Variants in ECHDC1 observed in about 807,000 individuals in gnomAD.
ECHDC1 encodes ethylmalonyl-CoA decarboxylase 1, also known as ethylmalonyl-CoA decarboxylase.
Under a neutral mutation model 29.7 loss-of-function variants are expected in ECHDC1, and 29 were observed. The observed-to-expected ratio is 0.98, with a 90% CI of 0.73 to 1.33. ECHDC1 has a LOEUF of 1.33. Among genes scored for constraint, ECHDC1 ranks in the 40% most tolerant of loss-of-function variants. The pLI, the probability that ECHDC1 is intolerant of heterozygous loss-of-function variation, is 0.00. For missense variants in ECHDC1, 328 were observed against 350.0 expected (o/e 0.94, Z 0.50); for synonymous variants, 126 against 123.1 (o/e 1.02, Z -0.15).
rs1174684869 is a variant in ECHDC1, at chr6:127,289,973, A to G, written c.802T>C (p.Tyr268His). 1 of 1,613,664 alleles carries G rather than the reference A, an allele frequency of 6.2e-7. No individual in the cohort carries two copies. The highest frequency in any genetic ancestry group is 2.2e-5 in the East Asian group (1 of 44,852). Reference sequence around the variant, plus strand: ...TCGTTCTGTAATGCTTCCTCCAAATATAGCTCTCTGCCTGAACAAACAGAT... The same window carrying G: ...TCGTTCTGTAATGCTTCCTCCAAATGTAGCTCTCTGCCTGAACAAACAGAT... ...KKSVCSGREL[Y>H]LEEALQNERD... The change falls in exon 6 of 6, where the codon TAT becomes CAT. Residue 268 changes from tyrosine to histidine, a missense_variant. Physicochemically the swap from Tyr to His is moderately conservative, Grantham distance 83. Transcript: ENST00000454859.
intron 5 of ECHDC1, among the ~76,000 whole-genome samples, chr6:127,293,777 G>A (rs2114551417): frequency 6.6e-6 from 1 of 152,178 alleles, no homozygotes; most frequent in South Asian, 2.1e-4. Flanking sequence ...TTAAGTTGGT[G>A]GTATTGATAG....
At chr6:127,309,854 G>C (rs1781759064) in intron 5 of ECHDC1, among the ~76,000 whole-genome samples, 1 of 152,156 alleles carries the variant, frequency 6.6e-6, no homozygotes. Flanking sequence ...AAGAGCGAAA[G>C]GAGAAGTGCT....
At chr6:127,336,472 C>G (rs1207967418) in intron 1 of ECHDC1, among the ~76,000 whole-genome samples, 1 of 152,146 alleles carries the variant, frequency 6.6e-6, no homozygotes, top group Non-Finnish European at 1.5e-5. Context: ...ACCTATTTCC[C>G]TGCTTTCCCA....
At position 127,290,107 on chromosome 6, in the gene ECHDC1, A is replaced by G. The variant is rs765709127; in HGVS notation, c.668T>C (p.Val223Ala). The G allele has an allele frequency of 9.3e-6, 15 of 1,613,732 alleles. No individual in the cohort carries two copies. Among genetic ancestry groups the G allele is most frequent in the Non-Finnish European group, 1.3e-5 (15 of 1,179,744 alleles). Residue 223 changes from valine (V) to alanine (A), a missense_variant, in exon 6 of 6, where the codon GTT becomes GCT. By Grantham distance (64) the Val-to-Ala change is moderately conservative (BLOSUM62 0). Transcript: ENST00000454859. ...DSKNALNIGM[V>A]EEVLQSSDET... is the part of the protein sequence containing the mutation. ...ATCTGAAGACTGCAAGACCTCTTCA[A>G]CCATTCCTATGTTTAGAGCATTTTT... is the stretch of plus-strand genomic sequence containing the variant.
At chr6:127,297,933 A>C (rs1780747175) in intron 5 of ECHDC1, among the ~76,000 whole-genome samples, 1 of 152,162 alleles carries the variant, frequency 6.6e-6, no homozygotes, top group South Asian at 2.1e-4. Context: ...CATGCTCCTT[A>C]GTTTTCTTGA....
intron 1 of ECHDC1, among the ~76,000 whole-genome samples, chr6:127,341,311 C>T (rs1270073602): frequency 6.6e-6 from 1 of 152,156 alleles, no homozygotes; most frequent in Admixed American, 6.5e-5. Flanking sequence ...TGTACACTTT[C>T]GTCCCAGTTC....
At chr6:127,320,027 GT>G (rs201061824) in intron 3 of ECHDC1, among the ~76,000 whole-genome samples, 5 of 149,756 alleles carry the variant, frequency 3.3e-5, no homozygotes, top group Non-Finnish European at 4.5e-5. Context: ...AATTAAAATA[GT>G]TTTTTTTTTG....
chr6:127,309,277 CA>C (rs1781686167), intron 5 of ECHDC1, among the ~76,000 whole-genome samples: 1 of 150,686 alleles, frequency 6.6e-6, no homozygotes, highest in South Asian at 2.1e-4. Flanking sequence ...AACCCAGAAA[CA>C]AATCTACACA....
At chr6:127,310,372 A>G (rs188309797) in intron 5 of ECHDC1, among the ~76,000 whole-genome samples, 3 of 152,168 alleles carry the variant, frequency 2.0e-5, no homozygotes, top group Admixed American at 2.0e-4. Context: ...TACATCTACT[A>G]TGTACTCATG....
intron 2 of ECHDC1, among the ~76,000 whole-genome samples, chr6:127,328,223 A>G (rs891176620): frequency 1.3e-5 from 2 of 152,250 alleles, no homozygotes; most frequent in Non-Finnish European, 2.9e-5. Context: ...ATGGCTAATT[A>G]TGACCTACAG....
rs77607850 is a variant in ECHDC1, at chr6:127,316,109, T to A, written c.416+341A>T. 2.5e-5 allele frequency: 12 copies of A among 474,362 alleles called. No homozygotes were observed. The Admixed American group carries it at 2.8e-4, about 11-fold the overall frequency. 29.4% of individuals were successfully genotyped at this position (474,362 alleles called of 1,614,324 possible). ...AATTTGGAATATTAGGTAAACTTTA[T>A]GTGTCATGTCTTGATCAGTGTCTTT... On this transcript the variant is annotated intron_variant, in intron 4 of 5. Coordinates refer to ENST00000454859, the MANE Select transcript of ECHDC1 (RefSeq NM_001002030.2).
At position 127,289,994 on chromosome 6, in the gene ECHDC1, CAG is replaced by C; in HGVS notation, c.779_780del (p.Ser260CysfsTer35). On this transcript the variant is annotated frameshift_variant, in exon 6 of 6. Coordinates refer to ENST00000454859, the MANE Select transcript of ECHDC1 (RefSeq NM_001002030.2). LOFTEE classifies it high-confidence loss of function. ...AAATATAGCTCTCTGCCTGAACAAA[CAG>C]ATTTTTTCAAAGCTCTAATTACTTC... ...PPEVIRALKK[S>X]VCSGRELYLE... 6.2e-7 allele frequency: 1 copy of C among 1,613,752 alleles called. No homozygotes were observed. Among genetic ancestry groups the C allele is most frequent in the Non-Finnish European group, 8.5e-7 (1 of 1,179,772 alleles).
chr6:127,311,979 T>G (rs1219813562), intron 5 of ECHDC1, among the ~76,000 whole-genome samples: 1 of 151,972 alleles, frequency 6.6e-6, no homozygotes, highest in East Asian at 1.9e-4. Context: ...AAGTTTTTCA[T>G]AAGTGTATAG....
At chr6:127,326,468 G>A in intron 3 of ECHDC1, 1 of 433,454 alleles carries the variant, frequency 2.3e-6, no homozygotes. Flanking sequence ...TATCACATCG[G>A]TTCATTAGTA....
chr6:127,326,907 TAA>T lies in ECHDC1; in HGVS notation c.363+93_363+94del, dbSNP rs1160292884. The T allele has an allele frequency of 2.9e-6, 4 of 1,374,326 alleles. No homozygotes were observed. The African/African-American group carries it at 5.8e-5, about 20-fold the overall frequency. 85.1% of individuals were successfully genotyped at this position (1,374,326 alleles called of 1,614,324 possible). On this transcript the variant is annotated intron_variant, in intron 3 of 5. Transcript: ENST00000454859. The stretch of plus-strand genomic sequence containing the variant: ...ATCCCCATAATCCTTTGAAAGTTAT[TAA>T]AGTCATCATAACCATTAGTAAAATA...
intron 2 of ECHDC1, among the ~76,000 whole-genome samples, chr6:127,328,703 TG>T (rs928672160): frequency 3.3e-5 from 5 of 152,216 alleles, no homozygotes; most frequent in African/African-American, 1.2e-4. Flanking sequence ...TAGGTTAATA[TG>T]GGCCTTTAAT....
At chr6:127,335,104 G>A (rs1405164091) in intron 1 of ECHDC1, among the ~76,000 whole-genome samples, 1 of 152,176 alleles carries the variant, frequency 6.6e-6, no homozygotes, top group South Asian at 2.1e-4. Flanking sequence ...TAATATGTGA[G>A]TTATAAAATG....
intron 5 of ECHDC1, among the ~76,000 whole-genome samples, chr6:127,302,756 A>G (rs1781149198): frequency 6.6e-6 from 1 of 152,124 alleles, no homozygotes; most frequent in Admixed American, 6.6e-5. Flanking sequence ...ATATGTATTG[A>G]AATTATATAT....
chr6:127,313,381 T>C, intron 5 of ECHDC1: 1 of 281,044 alleles, frequency 3.6e-6, no homozygotes, highest in South Asian at 3.3e-5. Context: ...TTTTGTATTT[T>C]GAGTAGAGAT....
Sources: gnomAD v4.1 joint callset for allele counts (sites outside exome capture counted in the v4.1 genomes callset) on GRCh38, gnomAD v4.1.1 for gene constraint, MANE v1.5 for transcripts, NCBI Gene and HGNC (gene_info 2026-07-23, HGNC 2026-07-21) for gene names.